MMS22L: variants seen among roughly 807,000 people sequenced by gnomAD.
MMS22L encodes MMS22 like, DNA repair protein, also known as protein MMS22-like.
MMS22L carries 74 observed loss-of-function variants against 159.1 expected under a neutral mutation model. That is an observed-to-expected ratio of 0.47 (90% CI 0.39 to 0.56). The LOEUF (loss-of-function observed/expected upper bound fraction) is 0.56. Ranked by LOEUF, MMS22L falls within the 20% of genes least tolerant of loss-of-function variation. The probability of loss-of-function intolerance (pLI) is 0.00; values close to 1 mark genes in which losing one functional copy is unlikely to be tolerated. For synonymous variants in MMS22L, 517 were observed against 506.9 expected (o/e 1.02, Z -0.27); for missense variants, 1,351 against 1,422.1 (o/e 0.95, Z 0.80).
At chr6:97,191,828 A>G (rs1197371763) in intron 14 of MMS22L, among the ~76,000 whole-genome samples, 2 of 152,224 alleles carry the variant, frequency 1.3e-5, no homozygotes, top group Non-Finnish European at 2.9e-5. Context: ...CAGGAAGAAT[A>G]TAACATAACT....
intron 3 of MMS22L, among the ~76,000 whole-genome samples, chr6:97,280,974 T>G (rs962202106): frequency 1.3e-5 from 2 of 152,228 alleles, no homozygotes; most frequent in Admixed American, 1.3e-4. Flanking sequence ...TTAATTTTCT[T>G]CTAAAAATTA....
intron 22 of MMS22L, among the ~76,000 whole-genome samples, chr6:97,160,567 T>C (rs1486842534): frequency 1.3e-5 from 2 of 152,188 alleles, no homozygotes; most frequent in East Asian, 3.9e-4. Flanking sequence ...ATCTTTACTA[T>C]AATGTATCTG....
chr6:97,244,590 T>TA (rs930060722), intron 11 of MMS22L, among the ~76,000 whole-genome samples: 1 of 152,172 alleles, frequency 6.6e-6, no homozygotes. Flanking sequence ...TAGACTGGCT[T>TA]AGTCTCACAT....
intron 14 of MMS22L, among the ~76,000 whole-genome samples, chr6:97,193,922 A>G (rs1049672078): frequency 2.8e-5 from 4 of 144,956 alleles, no homozygotes; most frequent in East Asian, 2.1e-4. Context: ...CACCACGCCC[A>G]GCTAATGTTT....
Position 97,282,418 on chromosome 6 carries a change from C to T in MMS22L, c.60G>A (p.Gly20=), listed in dbSNP as rs1389014223. ...FLTDSLELEL[G]TEWCKPPYFS... ...AGTAAGGAGGTTTGCACCATTCCGT[C>T]CCCAGCTCCAGCTCTAAGCTGTCAG... The change falls in exon 2 of 25, where the codon GGG becomes GGA. Residue 20 remains glycine (G), a synonymous_variant. Transcript: ENST00000683635. The T allele has an allele frequency of 6.2e-7, 1 of 1,614,134 alleles. No homozygotes were observed. Among genetic ancestry groups the T allele is most frequent in the Non-Finnish European group, 8.5e-7 (1 of 1,180,010 alleles).
At chr6:97,176,912 A>G (rs1385562635) in intron 18 of MMS22L, among the ~76,000 whole-genome samples, 1 of 152,156 alleles carries the variant, frequency 6.6e-6, no homozygotes, top group Non-Finnish European at 1.5e-5. Context: ...GAATCACAGA[A>G]CCGAGGGATA....
chr6:97,270,194 T>C (rs1815575732), intron 6 of MMS22L: 1 of 630,722 alleles, frequency 1.6e-6, no homozygotes, highest in Non-Finnish European at 2.8e-6. Flanking sequence ...AATATTTTCA[T>C]CTGTTGGTTT....
In MMS22L at chr6:97,186,683, G is replaced by GCATA; in HGVS notation, c.2043_2046dup (p.His683TyrfsTer25). ...TGAAGTTCCTGACACAATTGTTGAT[G>GCATA]CATACTCCTAAAAAGAAATAAAAAT... On this transcript the variant is annotated frameshift_variant, in exon 15 of 25. Coordinates refer to ENST00000683635, the MANE Select transcript of MMS22L (RefSeq NM_001350599.2). LOFTEE classifies it high-confidence loss of function. 6.5e-7 allele frequency: 1 copy of GCATA among 1,539,238 alleles called. No homozygotes were observed. The highest frequency in any genetic ancestry group is 1.4e-5 in the African/African-American group (1 of 71,284).
At chr6:97,216,783 G>C (rs1809061161) in intron 14 of MMS22L, among the ~76,000 whole-genome samples, 1 of 152,182 alleles carries the variant, frequency 6.6e-6, no homozygotes, top group Non-Finnish European at 1.5e-5. Flanking sequence ...GTTCAGACTA[G>C]GAATCACAGT....
intron 23 of MMS22L, among the ~76,000 whole-genome samples, chr6:97,150,333 G>T (rs143853186): frequency 9.1e-4 from 138 of 152,148 alleles, no homozygotes; most frequent in African/African-American, 3.1e-3. Flanking sequence ...TCTACATATT[G>T]AATCTGAGTG....
intron 9 of MMS22L, among the ~76,000 whole-genome samples, chr6:97,256,043 G>T (rs6924134): frequency 0.64 from 97,877 of 151,826 alleles, 33,053 homozygotes; most frequent in Non-Finnish European, 0.76. Context: ...ACCATTGCAG[G>T]TAATATAATG....
chr6:97,282,680 C>G (rs1276165035), intron 1 of MMS22L, 127 bp from the exon 2 acceptor site: 1 of 496,910 alleles, frequency 2.0e-6, no homozygotes, highest in East Asian at 3.7e-5. Flanking sequence ...TCCCCCTCGC[C>G]CTCCGTCCAT....
chr6:97,162,706 T>G (rs370620835), intron 21 of MMS22L, among the ~76,000 whole-genome samples: 1 of 151,956 alleles, frequency 6.6e-6, no homozygotes, highest in Admixed American at 6.6e-5. Flanking sequence ...GAGAACTAAT[T>G]TAGGATTTAG....
intron 11 of MMS22L, among the ~76,000 whole-genome samples, chr6:97,244,650 A>G (rs1169027220): frequency 1.3e-5 from 2 of 152,182 alleles, no homozygotes; most frequent in Admixed American, 6.5e-5. Flanking sequence ...AACATTGGAC[A>G]CCAAGTTCTT....
intron 14 of MMS22L, among the ~76,000 whole-genome samples, chr6:97,203,866 T>A (rs995826816): frequency 6.6e-6 from 1 of 152,150 alleles, no homozygotes; most frequent in Non-Finnish European, 1.5e-5. Context: ...GGGGCTAAAT[T>A]TTCCCCCACA....
At chr6:97,151,668 G>A in intron 23 of MMS22L, 103 bp downstream of exon 23, 1 of 864,286 alleles carries the variant, frequency 1.2e-6, no homozygotes, top group Middle Eastern at 2.4e-4. Flanking sequence ...CTATAAACAA[G>A]TAGTAACACA....
intron 11 of MMS22L, among the ~76,000 whole-genome samples, chr6:97,235,077 C>T (rs1489334036): frequency 6.6e-6 from 1 of 152,124 alleles, no homozygotes; most frequent in Non-Finnish European, 1.5e-5. Context: ...TTCAAAAACA[C>T]TGCTCTGGAT....
chr6:97,219,967 C>A (rs1809454050), intron 14 of MMS22L, among the ~76,000 whole-genome samples: 1 of 152,176 alleles, frequency 6.6e-6, no homozygotes, highest in South Asian at 2.1e-4. Context: ...ACCCCTATGT[C>A]TACTATTACC....
Position 97,207,655 on chromosome 6 carries a change from T to G in MMS22L, c.2040-20965A>C, listed in dbSNP as rs192310906. On this transcript the variant is annotated intron_variant, in intron 14 of 24. Coordinates refer to ENST00000683635, the MANE Select transcript of MMS22L (RefSeq NM_001350599.2). ...AGTCAGATCTCTGTGTACCAAGCACTGCACTAAGGCTTAATTAACCCTGTT... is the reference window on the plus strand; with the variant it reads ...AGTCAGATCTCTGTGTACCAAGCACGGCACTAAGGCTTAATTAACCCTGTT... Among the ~76,000 whole-genome samples, 818 of 152,262 alleles carry G rather than the reference T, an allele frequency of 5.4e-3. 8 individuals are homozygous for G. Among genetic ancestry groups the G allele is most frequent in the Non-Finnish European group, 6.8e-3 (464 of 67,994 alleles).
Sources: allele counts gnomAD v4.1 joint callset (sites outside exome capture counted in the v4.1 genomes callset), GRCh38; gene constraint gnomAD v4.1.1; transcripts MANE v1.5; gene names NCBI Gene and HGNC (gene_info 2026-07-23, HGNC 2026-07-21).